The following ADCY2 variants were observed in gnomAD, a reference collection of about 807,000 sequenced individuals.
The protein encoded by ADCY2 is adenylate cyclase 2.
A neutral mutation model predicts 125.2 loss-of-function variants in ADCY2; 31 were observed. The observed-to-expected ratio is 0.25, with a 90% CI of 0.19 to 0.33. ADCY2 has a LOEUF of 0.33. ADCY2 is among the 10% of genes least tolerant of loss of function. ADCY2 has a pLI of 1.00. For synonymous variants in ADCY2, 512 were observed against 548.4 expected (o/e 0.93, Z 0.93); for missense variants, 904 against 1,418.2 (o/e 0.64, Z 5.82).
chr5:7,740,523 T>C (rs1170928271), intron 14 of ADCY2, among the ~76,000 whole-genome samples: 1 of 151,954 alleles, frequency 6.6e-6, no homozygotes, highest in Non-Finnish European at 1.5e-5. Flanking sequence ...AAAAAACACA[T>C]AGAATTTTCA....
chr5:7,560,780 C>T lies in ADCY2; in HGVS notation c.570+39881C>T, dbSNP rs184273156. Among the ~76,000 whole-genome samples, 455 of 152,152 alleles carry T rather than the reference C, an allele frequency of 3.0e-3. 12 individuals carry two copies. The highest frequency in any genetic ancestry group is 6.8e-4 in the Non-Finnish European group (46 of 68,000). On this transcript the variant is annotated intron_variant, in intron 3 of 24. Coordinates refer to ENST00000338316, the MANE Select transcript of ADCY2 (RefSeq NM_020546.3). ...GTCAGCTCACTGCAACCTCCACCTC[C>T]GAGATTCAAGCGATTCTCCTGTCTC...
chr5:7,781,183 G>C (rs1283739236), intron 18 of ADCY2, among the ~76,000 whole-genome samples: 1 of 152,170 alleles, frequency 6.6e-6, no homozygotes, highest in East Asian at 1.9e-4. Flanking sequence ...AAAGGAGAGA[G>C]AGAGAAAGAG....
At chr5:7,656,781 G>A (rs1204891410) in intron 4 of ADCY2, among the ~76,000 whole-genome samples, 4 of 152,192 alleles carry the variant, frequency 2.6e-5, no homozygotes, top group African/African-American at 7.2e-5. Context: ...GAGATCCTGG[G>A]TTCAGGTATA....
At chr5:7,720,018 A>AG (rs1741708659) in intron 12 of ADCY2, among the ~76,000 whole-genome samples, 1 of 47,416 alleles carries the variant, frequency 2.1e-5, no homozygotes, top group Non-Finnish European at 4.3e-5. Flanking sequence ...TTGACAAAAG[A>AG]AAAAAAAAGA....
intron 12 of ADCY2, among the ~76,000 whole-genome samples, chr5:7,719,519 A>T (rs1008627340): frequency 1.3e-5 from 2 of 152,220 alleles, no homozygotes; most frequent in African/African-American, 4.8e-5. Flanking sequence ...TTGATGTACC[A>T]TTCACTTGTT....
At chr5:7,654,391 G>T (rs1739247187) in intron 4 of ADCY2, among the ~76,000 whole-genome samples, 1 of 152,152 alleles carries the variant, frequency 6.6e-6, no homozygotes, top group Non-Finnish European at 1.5e-5. Context: ...CAGCATGCCT[G>T]TACGCTATGG....
chr5:7,585,439 G>C (rs111403726), intron 3 of ADCY2, among the ~76,000 whole-genome samples: 2,427 of 152,244 alleles, frequency 0.016, 29 homozygotes, highest in Non-Finnish European at 0.028. Flanking sequence ...TTTCAATCCA[G>C]TCAGGAACTT....
intron 16 of ADCY2, among the ~76,000 whole-genome samples, chr5:7,761,822 T>C (rs1411668133): frequency 2.0e-5 from 3 of 152,186 alleles, no homozygotes; most frequent in African/African-American, 7.2e-5. Flanking sequence ...GACAAGCTGA[T>C]CATTTAGGAG....
chr5:7,543,199 TA>T lies in ADCY2; in HGVS notation c.570+22302del, dbSNP rs1735047434. 2.6e-5 allele frequency among the ~76,000 whole-genome samples: 4 copies of T among 152,178 alleles called. No individual in the cohort carries two copies. The South Asian group carries it at 8.3e-4, about 32-fold the overall frequency. ...ACGTATGTGGAGTACAATCTTCTTA[TA>T]AGGTATCAAGCAAATTTTTATTACA... is the stretch of plus-strand genomic sequence containing the variant. On this transcript the variant is annotated intron_variant, in intron 3 of 24. Transcript: ENST00000338316.
rs1248679583 is a variant in ADCY2, at chr5:7,743,700, C to T, written c.1904C>T (p.Ala635Val). Residue 635 changes from alanine (A) to valine (V), a missense_variant, in exon 15 of 25, where the codon GCG (alanine) becomes GTG (valine). Coordinates refer to ENST00000338316, the MANE Select transcript of ADCY2 (RefSeq NM_020546.3). ...TSVLGISFGA[A>V]FLLLAFILFV... ...GTCCTGGGCATCTCCTTTGGGGCTGCGTTTCTCTTGCTGGCCTTCATCCTC... is the reference window on the plus strand; with the variant it reads ...GTCCTGGGCATCTCCTTTGGGGCTGTGTTTCTCTTGCTGGCCTTCATCCTC... 5 of 1,614,128 alleles carry T rather than the reference C, an allele frequency of 3.1e-6. No individual in the cohort carries two copies. Among genetic ancestry groups the T allele is most frequent in the South Asian group, 1.1e-5 (1 of 91,072 alleles).
At chr5:7,618,119 C>T (rs549714047) in intron 3 of ADCY2, among the ~76,000 whole-genome samples, 8 of 152,276 alleles carry the variant, frequency 5.3e-5, no homozygotes, top group East Asian at 1.9e-4. Flanking sequence ...CATTTCCTTA[C>T]GGATGTGCTT....
At chr5:7,411,202 C>T (rs1297115199) in intron 1 of ADCY2, among the ~76,000 whole-genome samples, 1 of 152,162 alleles carries the variant, frequency 6.6e-6, no homozygotes, top group East Asian at 1.9e-4. Context: ...CTCTGTTTTT[C>T]AGTGGGCCCA....
intron 22 of ADCY2, among the ~76,000 whole-genome samples, chr5:7,807,677 C>A (rs1392929994): frequency 6.6e-6 from 1 of 152,190 alleles, no homozygotes; most frequent in Non-Finnish European, 1.5e-5. Context: ...GCTATCTTGA[C>A]CATTGGGCCA....
intron 1 of ADCY2, among the ~76,000 whole-genome samples, chr5:7,401,202 G>C (rs1323410296): frequency 6.6e-6 from 1 of 152,234 alleles, no homozygotes; most frequent in African/African-American, 2.4e-5. Context: ...CTCCAGGACT[G>C]TTAGCTGTTC....
chr5:7,756,140 A>G (rs1016093897), intron 15 of ADCY2, among the ~76,000 whole-genome samples: 12 of 152,232 alleles, frequency 7.9e-5, no homozygotes, highest in Admixed American at 6.5e-4. Context: ...CATATCAGAT[A>G]ACGTATGCAA....
chr5:7,786,481 T>G (rs1049226993), intron 19 of ADCY2, among the ~76,000 whole-genome samples: 5 of 152,236 alleles, frequency 3.3e-5, no homozygotes, highest in African/African-American at 1.2e-4. Context: ...TCCTGCTCCA[T>G]GACCATCTTT....
At chr5:7,480,121 T>C (rs1742674045) in intron 2 of ADCY2, among the ~76,000 whole-genome samples, 1 of 152,162 alleles carries the variant, frequency 6.6e-6, no homozygotes. Flanking sequence ...TAACAGATGC[T>C]GGCAAGTTTA....
intron 15 of ADCY2, among the ~76,000 whole-genome samples, chr5:7,745,562 G>A (rs1028866613): frequency 5.9e-5 from 9 of 152,120 alleles, no homozygotes; most frequent in Non-Finnish European, 1.0e-4. Flanking sequence ...GTTTGAAAAC[G>A]CTTATTGTAG....
chr5:7,537,024 GTA>G (rs35263756), intron 3 of ADCY2, among the ~76,000 whole-genome samples: 122,103 of 152,024 alleles, frequency 0.8, 53,397 homozygotes, highest in Non-Finnish European at 0.97. Flanking sequence ...CTTTAATTCT[GTA>G]TATCCTATAG....
Sources: allele counts gnomAD v4.1 joint callset (sites outside exome capture counted in the v4.1 genomes callset), GRCh38; gene constraint gnomAD v4.1.1; transcripts MANE v1.5; gene names NCBI Gene and HGNC (gene_info 2026-07-23, HGNC 2026-07-21).